The following DCAF8 variants were observed in gnomAD, a reference collection of about 807,000 sequenced individuals.
DCAF8 encodes DDB1 and CUL4 associated factor 8.
In DCAF8, 20 loss-of-function variants were observed where a neutral mutation model predicts 68.0. The ratio of observed to expected loss-of-function variants is 0.29; its 90% CI spans 0.21 to 0.43. The LOEUF is 0.43. Among genes scored for constraint, DCAF8 ranks in the 20% least tolerant of loss-of-function variants. The pLI is 1.00. For missense variants in DCAF8, 460 were observed against 771.0 expected, an observed-to-expected ratio of 0.60 and a Z score of 4.78; for synonymous variants, 230 against 276.9, an observed-to-expected ratio of 0.83 and a Z score of 1.68.
intron 2 of DCAF8, among the ~76,000 whole-genome samples, chr1:160,255,613 ATTG>A (rs938179699): frequency 6.6e-6 from 1 of 151,930 alleles, no homozygotes; most frequent in Non-Finnish European, 1.5e-5. Flanking sequence ...GGCTTTAATT[ATTG>A]TTTTTTTATT....
chr1:160,223,804 G>A (rs1197630504), intron 10 of DCAF8, among the ~76,000 whole-genome samples: 2 of 152,176 alleles, frequency 1.3e-5, no homozygotes, highest in African/African-American at 4.8e-5. Flanking sequence ...AGGCTGAAGT[G>A]GGAAGATCAC....
At chr1:160,232,142 A>G (rs1204422905) in intron 6 of DCAF8, among the ~76,000 whole-genome samples, 1 of 152,082 alleles carries the variant, frequency 6.6e-6, no homozygotes, top group Non-Finnish European at 1.5e-5. Context: ...CCTGGTAGGT[A>G]GAGGCTGCAG....
chr1:160,228,680 A>T (rs1045208905), intron 7 of DCAF8, among the ~76,000 whole-genome samples: 1 of 151,552 alleles, frequency 6.6e-6, no homozygotes, highest in East Asian at 1.9e-4. Flanking sequence ...CTTTTTAATA[A>T]CCCTAAACTA....
intron 2 of DCAF8, among the ~76,000 whole-genome samples, chr1:160,260,002 A>C (rs35765356): frequency 0.085 from 12,956 of 152,244 alleles, 769 homozygotes; most frequent in Non-Finnish European, 0.13. Context: ...TGGGAAAATT[A>C]ACCAGAAAAA....
In DCAF8 at chr1:160,231,545, T is replaced by C. The variant is rs2101729425; in HGVS notation, c.960-138A>G. ...TTGGAAAGAAAGAATTGTTGTGTTT[T>C]CTCTGTTTGTTTTGTACGTAACAAC... On this transcript the variant is annotated intron_variant, in intron 6 of 13. Transcript: ENST00000368074. 4.6e-6 allele frequency: 3 copies of C among 656,862 alleles called. No homozygotes were observed. In the South Asian group the frequency reaches 5.9e-5, roughly 13 times the overall value. 40.7% of individuals were successfully genotyped at this position (656,862 alleles called of 1,614,324 possible).
chr1:160,258,940 G>C (rs532024442), intron 2 of DCAF8, among the ~76,000 whole-genome samples: 23 of 152,148 alleles, frequency 1.5e-4, no homozygotes, highest in African/African-American at 4.8e-4. Flanking sequence ...ACCCGACATG[G>C]ATCTTCAGAG....
chr1:160,240,744 CAG>C (rs1457632650), intron 3 of DCAF8, among the ~76,000 whole-genome samples: 1 of 152,154 alleles, frequency 6.6e-6, no homozygotes, highest in East Asian at 1.9e-4. Flanking sequence ...AATAATTAAA[CAG>C]AATATAAAAA....
rs573486981 is a variant in DCAF8 at position 160,241,431 on chromosome 1, T to C, written c.50-1061A>G. 2.8e-4 allele frequency among the ~76,000 whole-genome samples: 42 copies of C among 152,354 alleles called. No homozygotes were observed. In the South Asian group the frequency reaches 5.8e-3, roughly 21 times the overall value. ...AAATTGATAAAAAGCTGGGCTACTATAGTGGTGCCTAAGACGAAAGTTCAG... is the reference window on the plus strand; with the variant it reads ...AAATTGATAAAAAGCTGGGCTACTACAGTGGTGCCTAAGACGAAAGTTCAG... On this transcript the variant is annotated intron_variant, in intron 3 of 13. Coordinates refer to ENST00000368074, the MANE Select transcript of DCAF8 (RefSeq NM_015726.4).
chr1:160,229,295 CA>C (rs199888208), intron 7 of DCAF8, among the ~76,000 whole-genome samples: 3 of 139,658 alleles, frequency 2.1e-5, no homozygotes, highest in African/African-American at 7.9e-5. Context: ...GACTCTGTCT[CA>C]AAAAAAAAAC....
At chr1:160,223,940 C>T (rs975950073) in intron 10 of DCAF8, among the ~76,000 whole-genome samples, 3 of 152,114 alleles carry the variant, frequency 2.0e-5, no homozygotes, top group African/African-American at 4.8e-5. Flanking sequence ...AAACAAAACA[C>T]ATCAGATGAT....
At chr1:160,222,622 A>G (rs762947432) in intron 11 of DCAF8, 29 bp downstream of exon 11, 1 of 1,612,380 alleles carries the variant, frequency 6.2e-7, no homozygotes, top group Admixed American at 1.7e-5. Context: ...GAGATTAGGG[A>G]GCCAGCCAGC....
intron 2 of DCAF8, among the ~76,000 whole-genome samples, chr1:160,260,652 C>T (rs935463160): frequency 1.3e-5 from 2 of 152,040 alleles, no homozygotes; most frequent in African/African-American, 4.8e-5. Flanking sequence ...GCTGAATGCC[C>T]AGGATGTTTC....
intron 2 of DCAF8, among the ~76,000 whole-genome samples, chr1:160,253,980 C>T (rs1464775290): frequency 6.6e-6 from 1 of 152,134 alleles, no homozygotes; most frequent in Non-Finnish European, 1.5e-5. Context: ...ATTTTCTCTC[C>T]AGTAAAGAAT....
rs907955789 is a variant in DCAF8 at position 160,217,326 on chromosome 1, C to T, written c.*266G>A. On this transcript the variant is annotated 3_prime_UTR_variant, in exon 14 of 14. Transcript: ENST00000368074. ...TTAACAAAATAGGCTTCCCTCTCCTCTCAAAAAGAGGCTTTGGGGAGAGGC... is the reference window on the plus strand; with the variant it reads ...TTAACAAAATAGGCTTCCCTCTCCTTTCAAAAAGAGGCTTTGGGGAGAGGC... The T allele has an allele frequency of 2.8e-6, 1 of 356,772 alleles. No individual in the cohort carries two copies. The highest frequency in any genetic ancestry group is 2.1e-5 in the African/African-American group (1 of 47,632). 22.1% of individuals were successfully genotyped at this position (356,772 alleles called of 1,614,324 possible). A position where few individuals can be genotyped will look rare whatever the true frequency, so the allele number is the denominator to read the frequency against.
chr1:160,220,116 A>T (rs1571078082), intron 11 of DCAF8: 2 of 152,392 alleles, frequency 1.3e-5, no homozygotes, highest in East Asian at 3.8e-4. Flanking sequence ...AAAAGACTGA[A>T]GCTAAGACTG....
intron 2 of DCAF8, among the ~76,000 whole-genome samples, chr1:160,250,940 C>T (rs1486862269): frequency 2.6e-5 from 4 of 151,958 alleles, no homozygotes; most frequent in East Asian, 1.9e-4. Context: ...ACCTTGAGCC[C>T]GATCGAAACA....
intron 10 of DCAF8, 104 bp from the exon 11 acceptor site, chr1:160,222,885 G>T (rs1307563487): frequency 1.4e-6 from 2 of 1,470,568 alleles, no homozygotes; most frequent in Non-Finnish European, 1.9e-6. Context: ...AAATCAGCTA[G>T]ATTATGCATG....
rs16831632 is a variant in DCAF8, at chr1:160,224,136, C to T, written c.1309+306G>A. 2.8e-3 allele frequency among the ~76,000 whole-genome samples: 419 copies of T among 152,338 alleles called. 3 individuals carry two copies. The highest frequency in any genetic ancestry group is 9.8e-3 in the African/African-American group (408 of 41,576). On this transcript the variant is annotated intron_variant, in intron 10 of 13. Coordinates refer to ENST00000368074, the MANE Select transcript of DCAF8 (RefSeq NM_015726.4). ...GACCACTGACTAAAGAGGGCTTTCCCTGACTCCCTAACAAGGCATTTGTGC... is the reference window on the plus strand; with the variant it reads ...GACCACTGACTAAAGAGGGCTTTCCTTGACTCCCTAACAAGGCATTTGTGC...
chr1:160,231,434 T>C, intron 6 of DCAF8, 27 bp from the exon 7 acceptor site: 2 of 1,553,106 alleles, frequency 1.3e-6, no homozygotes, highest in Non-Finnish European at 1.8e-6. Flanking sequence ...GCACAGAAAG[T>C]TATATACTCC....
Sources: gnomAD v4.1 joint callset for allele counts (sites outside exome capture counted in the v4.1 genomes callset) on GRCh38, gnomAD v4.1.1 for gene constraint, MANE v1.5 for transcripts, NCBI Gene and HGNC (gene_info 2026-07-23, HGNC 2026-07-21) for gene names.